The following STPG4 variants were observed in gnomAD, a reference collection of about 807,000 sequenced individuals.
STPG4 encodes sperm-tail PG-rich repeat containing 4.
In STPG4, 41 loss-of-function variants were observed where a neutral mutation model predicts 31.5. That is an observed-to-expected ratio of 1.30 (90% CI 1.01 to 1.69). The LOEUF is 1.69. STPG4 is among the 40% of genes most tolerant of loss of function. STPG4 has a pLI of 0.00. For missense variants in STPG4, 375 were observed against 293.4 expected (o/e 1.28, Z -2.03); for synonymous variants, 141 against 103.0 (o/e 1.37, Z -2.24).
Position 47,088,535 on chromosome 2 carries a change from C to T in STPG4, c.625-1405G>A, listed in dbSNP as rs147745060. ...CTTACCCATCAAACGGGGCAGAGTA[C>T]CTGCCTCTAGGGGGCTATGAGGCTC... is the stretch of plus-strand genomic sequence containing the variant. On this transcript the variant is annotated intron_variant, in intron 6 of 6. Transcript: ENST00000445927. Among the ~76,000 whole-genome samples the T allele has an allele frequency of 1.3e-3, 205 of 152,326 alleles. 1 individual carries two copies. In the Middle Eastern group the frequency reaches 0.014, roughly 10 times the overall value.
At chr2:47,122,379 C>T (rs1686289911) in intron 5 of STPG4, among the ~76,000 whole-genome samples, 1 of 151,926 alleles carries the variant, frequency 6.6e-6, no homozygotes, top group Non-Finnish European at 1.5e-5. Context: ...TTTGAAATTT[C>T]TTCCATTGCT....
chr2:47,147,240 G>C (rs891510227), intron 3 of STPG4, among the ~76,000 whole-genome samples: 4 of 152,186 alleles, frequency 2.6e-5, no homozygotes, highest in Non-Finnish European at 5.9e-5. Context: ...TTTAGCATGA[G>C]AGCAGTCATG....
At chr2:47,097,968 A>G (rs1224075360) in intron 5 of STPG4, among the ~76,000 whole-genome samples, 3 of 152,030 alleles carry the variant, frequency 2.0e-5, no homozygotes, top group African/African-American at 7.2e-5. Flanking sequence ...AAAAAAAAAA[A>G]AAAATGCACT....
chr2:47,154,552 C>A (rs1307268590), intron 1 of STPG4, among the ~76,000 whole-genome samples: 3 of 152,170 alleles, frequency 2.0e-5, no homozygotes. Flanking sequence ...GTTAAACAAC[C>A]CTCACCCACA....
chr2:47,123,379 T>C (rs1030008548), intron 5 of STPG4, among the ~76,000 whole-genome samples: 6 of 152,334 alleles, frequency 3.9e-5, no homozygotes, highest in African/African-American at 7.2e-5. Context: ...CCAAATACTA[T>C]GTGCCAGTCA....
chr2:47,141,256 A>G (rs1162578865), intron 3 of STPG4, among the ~76,000 whole-genome samples: 1 of 151,828 alleles, frequency 6.6e-6, no homozygotes, highest in Non-Finnish European at 1.5e-5. Context: ...CTTGTGTCAT[A>G]TGGAAACATT....
At chr2:47,103,462 G>A (rs888849335) in intron 5 of STPG4, among the ~76,000 whole-genome samples, 2 of 151,942 alleles carry the variant, frequency 1.3e-5, no homozygotes, top group Middle Eastern at 3.4e-3. Flanking sequence ...TGTTCTATAA[G>A]AGGGACCAAG....
chr2:47,091,643 C>T (rs1212255323), intron 5 of STPG4, among the ~76,000 whole-genome samples: 1 of 152,092 alleles, frequency 6.6e-6, no homozygotes, highest in Non-Finnish European at 1.5e-5. Context: ...GGAGTATTAA[C>T]CCAAAACACT....
chr2:47,149,501 C>T (rs1246017253), intron 3 of STPG4, among the ~76,000 whole-genome samples: 1 of 152,180 alleles, frequency 6.6e-6, no homozygotes, highest in East Asian at 1.9e-4. Context: ...AGTTTGTATG[C>T]ATCCACTGAA....
intron 3 of STPG4, among the ~76,000 whole-genome samples, chr2:47,131,711 G>C (rs1211265850): frequency 6.6e-6 from 1 of 152,188 alleles, no homozygotes; most frequent in Non-Finnish European, 1.5e-5. Context: ...TTTTAAGAAA[G>C]GCAGGACTTC....
chr2:47,132,486 C>A (rs1306122957), intron 3 of STPG4, among the ~76,000 whole-genome samples: 1 of 152,194 alleles, frequency 6.6e-6, no homozygotes, highest in African/African-American at 2.4e-5. Flanking sequence ...GCAGAAGCAG[C>A]TTTTTGTGGA....
rs542778966 is a variant in STPG4 at position 47,087,270 on chromosome 2, C to A, written c.625-140G>T. ...AGGGCCACACCAGCCTGGGCTGAAG[C>A]CTGGCAGACCCTCGAATTGGAGCAT... On this transcript the variant is annotated intron_variant, in intron 6 of 6. Transcript: ENST00000445927. 12 of 893,048 alleles carry A rather than the reference C, an allele frequency of 1.3e-5. No individual in the cohort carries two copies. In the African/African-American group the frequency reaches 2.0e-4, roughly 15 times the overall value. 55.3% of individuals were successfully genotyped at this position (893,048 alleles called of 1,614,324 possible).
intron 5 of STPG4, among the ~76,000 whole-genome samples, chr2:47,119,926 G>C (rs901800338): frequency 6.6e-6 from 1 of 152,214 alleles, no homozygotes; most frequent in African/African-American, 2.4e-5. Flanking sequence ...TTATACATTG[G>C]TTTTATTTAG....
chr2:47,119,483 A>AT (rs1317851284), intron 5 of STPG4, among the ~76,000 whole-genome samples: 1 of 152,142 alleles, frequency 6.6e-6, no homozygotes, highest in Non-Finnish European at 1.5e-5. Context: ...TGCCTGAATT[A>AT]TTTTTCAGTT....
Position 47,136,894 on chromosome 2 carries a change from TC to T in STPG4, c.400-6635del, listed in dbSNP as rs538988836. On this transcript the variant is annotated intron_variant, in intron 3 of 6. Transcript: ENST00000445927. ...ACTAGTTTCAGGAATTTTTGTTGAT[TC>T]TTTTGGATTTTCTACATAGGCAATC... Among the ~76,000 whole-genome samples the T allele has an allele frequency of 5.8e-3, 880 of 152,346 alleles. 9 individuals are homozygous for T. Among genetic ancestry groups the T allele is most frequent in the South Asian group, 0.012 (57 of 4,830 alleles).
At chr2:47,135,130 CAGTT>C (rs914877531) in intron 3 of STPG4, among the ~76,000 whole-genome samples, 14 of 152,278 alleles carry the variant, frequency 9.2e-5, no homozygotes, top group East Asian at 1.9e-4. Flanking sequence ...AATATATTCT[CAGTT>C]AGTCACTTGT....
intron 5 of STPG4, among the ~76,000 whole-genome samples, chr2:47,111,877 A>G (rs1318257322): frequency 6.6e-6 from 1 of 152,200 alleles, no homozygotes; most frequent in Non-Finnish European, 1.5e-5. Context: ...ATTAAAAATC[A>G]TTTTCCAACC....
At chr2:47,102,745 C>T (rs959566222) in intron 5 of STPG4, among the ~76,000 whole-genome samples, 2 of 151,810 alleles carry the variant, frequency 1.3e-5, no homozygotes, top group African/African-American at 2.4e-5. Context: ...CCCGGGCTAT[C>T]GGTTATGTCC....
At chr2:47,108,789 G>C (rs761897516) in intron 5 of STPG4, 1 of 152,292 alleles carries the variant, frequency 6.6e-6, no homozygotes, top group East Asian at 1.9e-4. Flanking sequence ...ACTGACCAGA[G>C]GATCCCCTGT....
Sources: gnomAD v4.1 joint callset for allele counts (sites outside exome capture counted in the v4.1 genomes callset) on GRCh38, gnomAD v4.1.1 for gene constraint, MANE v1.5 for transcripts, NCBI Gene and HGNC (gene_info 2026-07-23, HGNC 2026-07-21) for gene names.